The following KNDC1 variants were observed in gnomAD, a reference collection of about 807,000 sequenced individuals.
KNDC1 encodes the protein kinase non-catalytic C-lobe domain-containing protein 1.
Under a neutral mutation model 172.8 loss-of-function variants are expected in KNDC1, and 106 were observed. That is an observed-to-expected ratio of 0.61 (90% CI 0.52 to 0.72). The LOEUF (loss-of-function observed/expected upper bound fraction) is 0.72. Among genes scored for constraint, KNDC1 ranks in the 30% least tolerant of loss-of-function variants. The pLI is 0.00. For missense variants in KNDC1, 2,325 were observed against 2,394.5 expected (o/e 0.97, Z 0.61); for synonymous variants, 1,083 against 1,062.2 (o/e 1.02, Z -0.38).
chr10:133,189,298 C>T (rs958974838), intron 7 of KNDC1, among the ~76,000 whole-genome samples: 8 of 152,278 alleles, frequency 5.3e-5, no homozygotes, highest in Non-Finnish European at 1.2e-4. Flanking sequence ...GCCTGTGACA[C>T]GGGGGCTTCA....
rs1589772512 is a variant in KNDC1, at chr10:133,212,980, T to C, written c.4443+58T>C. On this transcript the variant is annotated intron_variant, in intron 24 of 29. Coordinates refer to ENST00000304613, the MANE Select transcript of KNDC1 (RefSeq NM_152643.8). ...CTGCGAGTCGGGGCCCCAGAAACAC[T>C]CCGCGCCCATAGGGCCCTCAGCGGC... is the stretch of plus-strand genomic sequence containing the variant. 3 of 1,464,290 alleles carry C rather than the reference T, an allele frequency of 2.0e-6. No individual in the cohort carries two copies. The East Asian group carries it at 7.0e-5, about 34-fold the overall frequency. 90.7% of individuals were successfully genotyped at this position (1,464,290 alleles called of 1,614,324 possible). A position where few individuals can be genotyped will look rare whatever the true frequency, so the allele number is the denominator to read the frequency against.
At chr10:133,191,074 C>CA (rs568930576) in intron 9 of KNDC1, among the ~76,000 whole-genome samples, 21 of 152,364 alleles carry the variant, frequency 1.4e-4, no homozygotes, top group African/African-American at 4.3e-4. Flanking sequence ...CATGGTGACT[C>CA]ACGCCTGTAA....
chr10:133,175,095 A>G (rs1853490965), intron 3 of KNDC1, among the ~76,000 whole-genome samples: 3 of 127,782 alleles, frequency 2.3e-5, no homozygotes, highest in South Asian at 5.6e-4. Flanking sequence ...GGATGGATAG[A>G]TGGATGGTGG....
At chr10:133,221,247 T>A in intron 29 of KNDC1, among the ~76,000 whole-genome samples, 1 of 152,104 alleles carries the variant, frequency 6.6e-6, no homozygotes, top group Middle Eastern at 3.2e-3. Flanking sequence ...GGATCAGTCC[T>A]CAGCCTGTTC....
intron 28 of KNDC1, among the ~76,000 whole-genome samples, chr10:133,219,467 C>A: frequency 6.6e-6 from 1 of 152,222 alleles, no homozygotes; most frequent in East Asian, 1.9e-4. Flanking sequence ...GACCAGCCAT[C>A]CCCAAACATG....
chr10:133,166,399 CT>C (rs1213738762), intron 1 of KNDC1, among the ~76,000 whole-genome samples: 1 of 152,188 alleles, frequency 6.6e-6, no homozygotes, highest in African/African-American at 2.4e-5. Flanking sequence ...ATTGTGCAGC[CT>C]TGTGTGTTCC....
intron 14 of KNDC1, 82 bp downstream of exon 14, chr10:133,199,348 TC>T (rs1564891307): frequency 6.4e-7 from 1 of 1,559,102 alleles, no homozygotes; most frequent in Non-Finnish European, 8.7e-7. Flanking sequence ...CCCACGCCCT[TC>T]CCCCAGCCCC....
intron 3 of KNDC1, among the ~76,000 whole-genome samples, chr10:133,180,749 G>T (rs186952029): frequency 6.6e-6 from 1 of 152,348 alleles, no homozygotes; most frequent in East Asian, 1.9e-4. Context: ...GCCCTGATGC[G>T]CAGGGGCGCT....
At position 133,212,649 on chromosome 10, in the gene KNDC1, CT is replaced by C. The variant is rs1845391595; in HGVS notation, c.4237-66del. 5.6e-6 allele frequency: 8 copies of C among 1,424,118 alleles called. No homozygotes were observed. The East Asian group carries it at 1.9e-4, about 33-fold the overall frequency. 88.2% of individuals were successfully genotyped at this position (1,424,118 alleles called of 1,614,324 possible). ...CCTGGTCCTCACCCCCCAACCCTGC[CT>C]CCCTGGACCCCTGACCCAGAGGGGA... On this transcript the variant is annotated intron_variant, in intron 23 of 29. Transcript: ENST00000304613.
chr10:133,223,916 C>G (rs1231698858), intron 29 of KNDC1, among the ~76,000 whole-genome samples: 18 of 133,276 alleles, frequency 1.4e-4, no homozygotes, highest in African/African-American at 4.7e-4. Context: ...TGAGCCCATC[C>G]AGGCATGCTC....
chr10:133,224,705 C>T lies in KNDC1; in HGVS notation c.5065C>T (p.Pro1689Ser), dbSNP rs533428319. ...VSQVHAFQEN[P>S]YTFSPDPKLQ... ...CCAGGTGCACGCGTTCCAGGAGAAC[C>T]CTTACACCTTCAGCCCCGACCCCAA... The change falls in exon 30 of 30, where the codon CCT (proline) becomes TCT (serine). Residue 1689 changes from proline (P) to serine (S), a missense_variant. Physicochemically the swap from Pro to Ser is moderately conservative, Grantham distance 74. Transcript: ENST00000304613. The surrounding 1 kb of genome is among the most constrained non-coding windows in gnomAD (Gnocchi z 5.4). 2 of 1,613,968 alleles carry T rather than the reference C, an allele frequency of 1.2e-6. No homozygotes were observed. Among genetic ancestry groups the T allele is most frequent in the African/African-American group, 2.7e-5 (2 of 74,908 alleles).
chr10:133,206,676 C>G lies in KNDC1; in HGVS notation c.3388-9C>G. On this transcript the variant is annotated splice_polypyrimidine_tract_variant and intron_variant, in intron 17 of 29. Coordinates refer to ENST00000304613, the MANE Select transcript of KNDC1 (RefSeq NM_152643.8). ...TGCCTGGGGCTTAGGCGCTGTGTTT[C>G]GTCCCCAGGAGCTGGAACAGCAGCT... 6.2e-7 allele frequency: 1 copy of G among 1,612,770 alleles called. No homozygotes were observed. The highest frequency in any genetic ancestry group is 8.5e-7 in the Non-Finnish European group (1 of 1,179,166).
In KNDC1 at chr10:133,209,129, G is replaced by A. The variant is rs958637061; in HGVS notation, c.3795-1482G>A. Among the ~76,000 whole-genome samples the A allele has an allele frequency of 6.6e-6, 1 of 151,422 alleles. No individual in the cohort carries two copies. Among genetic ancestry groups the A allele is most frequent in the Admixed American group, 6.6e-5 (1 of 15,206 alleles). Reference sequence around the variant, plus strand: ...GGTGTGTGATGTGGAGTATTGTGTGGCGTGTGTGGTGTGTGGTTGGGTATT... The same window carrying A: ...GGTGTGTGATGTGGAGTATTGTGTGACGTGTGTGGTGTGTGGTTGGGTATT... On this transcript the variant is annotated intron_variant, in intron 20 of 29. Transcript: ENST00000304613. This position sits in a 1 kb window ranked among gnomAD's most constrained non-coding sequence, Gnocchi z 4.9.
intron 1 of KNDC1, among the ~76,000 whole-genome samples, chr10:133,166,212 AG>A (rs981864696): frequency 9.3e-5 from 14 of 151,326 alleles, no homozygotes; most frequent in African/African-American, 2.7e-4. Flanking sequence ...GCACTGGGGG[AG>A]GGGGGGCCAG....
Position 133,200,461 on chromosome 10 carries a change from G to A in KNDC1, c.2989+1G>A. 1 of 1,569,304 alleles carries A rather than the reference G, an allele frequency of 6.4e-7. No individual in the cohort carries two copies. The highest frequency in any genetic ancestry group is 8.6e-7 in the Non-Finnish European group (1 of 1,159,410). ...AAGAGGCCGTCGCTGCACCGCCTGG[G>A]TAAGTGCTGGGCGGGCCCCGCGGCA... On this transcript the variant is annotated splice_donor_variant, in intron 16 of 29. Coordinates refer to ENST00000304613, the MANE Select transcript of KNDC1 (RefSeq NM_152643.8). LOFTEE classifies it high-confidence loss of function.
At chr10:133,197,591 GGTGGTGGGGGA>G in intron 11 of KNDC1, 73 bp from the exon 12 acceptor site, 1 of 1,017,744 alleles carries the variant, frequency 9.8e-7, no homozygotes. Flanking sequence ...GGCACCGGCG[GGTGGTGGGGGA>G]CGCCCTGTGG....
intron 3 of KNDC1, among the ~76,000 whole-genome samples, chr10:133,180,057 A>C (rs1853670589): frequency 6.6e-6 from 1 of 152,198 alleles, no homozygotes; most frequent in Admixed American, 6.5e-5. Flanking sequence ...TTGTTTCCTG[A>C]GAGGAGCCTT....
intron 29 of KNDC1, among the ~76,000 whole-genome samples, chr10:133,222,511 GCCCATCC>G (rs1845624181): frequency 1.9e-5 from 1 of 52,188 alleles, no homozygotes; most frequent in Non-Finnish European, 4.3e-5. Context: ...GTGTGTGTGA[GCCCATCC>G]AGGCATGCTC....
intron 17 of KNDC1, among the ~76,000 whole-genome samples, chr10:133,205,094 T>G (rs1022994619): frequency 2.0e-5 from 3 of 149,478 alleles, no homozygotes; most frequent in Admixed American, 6.6e-5. Context: ...TATCTGCCCC[T>G]GTACCCCTAG....
Sources: gnomAD v4.1 joint callset for allele counts (sites outside exome capture counted in the v4.1 genomes callset) on GRCh38, gnomAD v4.1.1 for gene constraint, Gnocchi (gnomAD v3.1) non-coding constraint, MANE v1.5 for transcripts, NCBI Gene and HGNC (gene_info 2026-07-23, HGNC 2026-07-21) for gene names.